Variants in FOXP4 observed in about 807,000 individuals in gnomAD.
The protein encoded by FOXP4 is forkhead box P4.
Under a neutral mutation model 82.6 loss-of-function variants are expected in FOXP4, and 25 were observed. The observed-to-expected ratio is 0.30, with a 90% confidence interval of 0.22 to 0.42. FOXP4 has a LOEUF of 0.42. Ranked by LOEUF, FOXP4 falls within the 10% of genes least tolerant of loss-of-function variation. FOXP4 has a pLI of 1.00. For synonymous variants in FOXP4, 415 were observed against 388.2 expected (o/e 1.07, Z -0.81); for missense variants, 785 against 900.9 (o/e 0.87, Z 1.65).
intron 3 of FOXP4, among the ~76,000 whole-genome samples, chr6:41,583,103 C>T (rs1215853686): frequency 6.6e-6 from 1 of 152,248 alleles, no homozygotes; most frequent in Non-Finnish European, 1.5e-5. Context: ...AGCCTTCATT[C>T]ACATGGTATG....
intron 9 of FOXP4, among the ~76,000 whole-genome samples, 183 bp from the exon 10 acceptor site, chr6:41,589,588 G>T (rs1355387223): frequency 1.3e-5 from 2 of 152,226 alleles, no homozygotes; most frequent in Admixed American, 6.5e-5. Flanking sequence ...CAGCCCTTGA[G>T]GGGTAGAGCA....
intron 1 of FOXP4, among the ~76,000 whole-genome samples, chr6:41,549,010 C>CTA (rs1763842257): frequency 6.6e-6 from 1 of 152,088 alleles, no homozygotes; most frequent in African/African-American, 2.4e-5. Context: ...CACTCACACT[C>CTA]TAGTCAGTGG....
At chr6:41,586,915 GCC>G in intron 5 of FOXP4, 92 bp from the exon 6 acceptor site, 1 of 1,458,780 alleles carries the variant, frequency 6.9e-7, no homozygotes. Context: ...GGGCTGACAG[GCC>G]CTGGGAGGGG....
At chr6:41,567,891 G>A (rs1764972532) in intron 2 of FOXP4, among the ~76,000 whole-genome samples, 1 of 152,230 alleles carries the variant, frequency 6.6e-6, no homozygotes, top group Admixed American at 6.5e-5. Flanking sequence ...GGGAGTTGGA[G>A]GCAGGCAGAG....
intron 2 of FOXP4, among the ~76,000 whole-genome samples, chr6:41,575,247 C>A (rs1765412013): frequency 6.6e-6 from 1 of 152,212 alleles, no homozygotes; most frequent in East Asian, 1.9e-4. Context: ...GGATTACAGG[C>A]ATGAGCCACT....
intron 8 of FOXP4, among the ~76,000 whole-genome samples, chr6:41,588,361 A>T (rs1479322108): frequency 6.6e-6 from 1 of 152,240 alleles, no homozygotes; most frequent in Non-Finnish European, 1.5e-5. Flanking sequence ...TTGCAGCATC[A>T]GGGTCAAACA....
chr6:41,589,133 A>G (rs1018187508), intron 9 of FOXP4, among the ~76,000 whole-genome samples: 1 of 152,234 alleles, frequency 6.6e-6, no homozygotes. Context: ...AGGCACACAG[A>G]GCTAAAGTAA....
intron 2 of FOXP4, among the ~76,000 whole-genome samples, chr6:41,567,484 G>T (rs1170029023): frequency 3.3e-5 from 5 of 152,144 alleles, no homozygotes; most frequent in African/African-American, 4.8e-5. Flanking sequence ...AGGTTAAAGG[G>T]CAATATCCTA....
In FOXP4 at chr6:41,591,728, G is replaced by A. The variant is rs540056923; in HGVS notation, c.1536+406G>A. On this transcript the variant is annotated intron_variant, in intron 13 of 16. Coordinates refer to ENST00000307972, the MANE Select transcript of FOXP4 (RefSeq NM_001012426.2). The surrounding 1 kb of genome is among the most constrained non-coding windows in gnomAD (Gnocchi z 4.2). ...TTAAGGTACATGTTCTGAAGCCTGA[G>A]GTGGGGCTAGGAAAGCGCAGGTATA... Among the ~76,000 whole-genome samples, 1 of 152,314 alleles carries A rather than the reference G, an allele frequency of 6.6e-6. No homozygotes were observed. The highest frequency in any genetic ancestry group is 2.1e-4 in the South Asian group (1 of 4,828).
chr6:41,598,912 G>C lies in FOXP4; in HGVS notation c.2019G>C (p.Glu673Asp). 6.2e-7 allele frequency: 1 copy of C among 1,608,184 alleles called. No individual in the cohort carries two copies. The highest frequency in any genetic ancestry group is 8.5e-7 in the Non-Finnish European group (1 of 1,178,302). Residue 673 changes from glutamate (E) to aspartate (D), a missense_variant, in exon 17 of 17, where the codon GAG becomes GAC. Glu to Asp is a conservative substitution (Grantham distance 45). Coordinates refer to ENST00000307972, the MANE Select transcript of FOXP4 (RefSeq NM_001012426.2). ...CGGAAGACAGGGACCTGGAGGAGGA[G>C]CTGCCGGGAGAAGAACTGTCCTAAG... Reference protein sequence around the residue: ...GPPEDRDLEEELPGEELS With the variant: ...GPPEDRDLEEDLPGEELS
In FOXP4 at chr6:41,587,066, C is replaced by G. The variant is rs1422592632; in HGVS notation, c.568C>G (p.Gln190Glu). The change falls in exon 6 of 17, where the codon CAG becomes GAG. Residue 190 changes from glutamine to glutamate, a missense_variant. Gln to Glu is a conservative substitution (Grantham distance 29, BLOSUM62 2). Around this residue, in one of 3 missense-constraint regions of FOXP4, gnomAD observed 570 missense variants for 634.0 expected, o/e 0.90. Coordinates refer to ENST00000307972, the MANE Select transcript of FOXP4 (RefSeq NM_001012426.2). ...GCAGCTCCTGCAAATGCAACAGTTG[C>G]AGCAGCAGCACCTGCTCAACCTGCA... ...QQQLLQMQQL[Q>E]QQHLLNLQRQ... The G allele has an allele frequency of 5.6e-6, 9 of 1,607,656 alleles. No homozygotes were observed. The highest frequency in any genetic ancestry group is 4.5e-5 in the East Asian group (2 of 44,626).
At chr6:41,590,558 G>A (rs560108696) in intron 12 of FOXP4, among the ~76,000 whole-genome samples, 2 of 152,272 alleles carry the variant, frequency 1.3e-5, no homozygotes, top group East Asian at 1.9e-4. Flanking sequence ...GTCTCTGGGG[G>A]TGCACACACT....
rs1766668089 is a variant in FOXP4 at position 41,593,947 on chromosome 6, G to A, written c.1537-923G>A. On this transcript the variant is annotated intron_variant, in intron 13 of 16. Coordinates refer to ENST00000307972, the MANE Select transcript of FOXP4 (RefSeq NM_001012426.2). This position sits in a 1 kb window ranked among gnomAD's most constrained non-coding sequence, Gnocchi z 4.1. Reference sequence around the variant, plus strand: ...AGGCTAAGGGAGGACAGGTAACAGGGTCCAGGGATGCAGGCAGGGATGGTG... The same window carrying A: ...AGGCTAAGGGAGGACAGGTAACAGGATCCAGGGATGCAGGCAGGGATGGTG... 6.6e-6 allele frequency among the ~76,000 whole-genome samples: 1 copy of A among 152,146 alleles called. No homozygotes were observed. The highest frequency in any genetic ancestry group is 6.5e-5 in the Admixed American group (1 of 15,268).
intron 1 of FOXP4, among the ~76,000 whole-genome samples, chr6:41,549,413 C>T (rs994818194): frequency 1.3e-5 from 2 of 152,024 alleles, no homozygotes; most frequent in African/African-American, 2.4e-5. Flanking sequence ...CACACCTAGA[C>T]GCCCCCAGCC....
At chr6:41,595,027 C>T (rs1332043833) in intron 14 of FOXP4, 36 bp downstream of exon 14, 2 of 1,612,628 alleles carry the variant, frequency 1.2e-6, no homozygotes, top group African/African-American at 2.7e-5. Flanking sequence ...CTGTACCTGC[C>T]CAGGGGGCAG....
chr6:41,582,902 G>A lies in FOXP4; in HGVS notation c.301-1867G>A, dbSNP rs143170866. 4.3e-3 allele frequency among the ~76,000 whole-genome samples: 656 copies of A among 152,270 alleles called. 3 individuals carry two copies. Among genetic ancestry groups the A allele is most frequent in the African/African-American group, 0.015 (615 of 41,538 alleles). ...GACCTGCCCTGCGGTGGGGCAGGCA[G>A]CATAGGATGTGAAAACCCTGGGAGC... On this transcript the variant is annotated intron_variant, in intron 3 of 16. Coordinates refer to ENST00000307972, the MANE Select transcript of FOXP4 (RefSeq NM_001012426.2).
Position 41,589,889 on chromosome 6 carries a change from C to T in FOXP4, c.1149+35C>T, listed in dbSNP as rs746653831. ...GCTCCCCTCCCCGCCCCTCCCAGAG[C>T]CTTCCACAGACCCTGGAGCCTCGGG... On this transcript the variant is annotated intron_variant, in intron 10 of 16. Coordinates refer to ENST00000307972, the MANE Select transcript of FOXP4 (RefSeq NM_001012426.2). 6 of 1,610,508 alleles carry T rather than the reference C, an allele frequency of 3.7e-6. No individual in the cohort carries two copies. The South Asian group carries it at 6.6e-5, about 18-fold the overall frequency.
At position 41,570,251 on chromosome 6, in the gene FOXP4, G is replaced by A. The variant is rs72858976; in HGVS notation, c.204+4287G>A. On this transcript the variant is annotated intron_variant, in intron 2 of 16. Coordinates refer to ENST00000307972, the MANE Select transcript of FOXP4 (RefSeq NM_001012426.2). The stretch of plus-strand genomic sequence containing the variant: ...CATTCTCCTTTTTCTTCTGGAGAAT[G>A]AGCCCCTCCCGTGGAGGAGCCATGG... 3,906 of 463,874 alleles carry A rather than the reference G, an allele frequency of 8.4e-3. 24 individuals are homozygous for A. Among genetic ancestry groups the A allele is most frequent in the Non-Finnish European group, 0.012 (2,720 of 222,312 alleles). The allele number at this position is 463,874 out of a possible 1,614,324, so 28.7% of individuals were successfully genotyped here.
rs556351061 is a variant in FOXP4 at position 41,599,053 on chromosome 6, G to T, written c.*117G>T. 2 of 1,359,714 alleles carry T rather than the reference G, an allele frequency of 1.5e-6. No homozygotes were observed. Among genetic ancestry groups the T allele is most frequent in the South Asian group, 1.6e-5 (1 of 64,282 alleles). 84.2% of individuals were successfully genotyped at this position (1,359,714 alleles called of 1,614,324 possible). On this transcript the variant is annotated 3_prime_UTR_variant, in exon 17 of 17. Transcript: ENST00000307972. The stretch of plus-strand genomic sequence containing the variant: ...TCAAGGCAAGTCCAGGACTCAGACC[G>T]GGGAGGCCCGGGCCAGCAGCTCCCA...
Sources: allele counts gnomAD v4.1 joint callset (sites outside exome capture counted in the v4.1 genomes callset), GRCh38; gene constraint gnomAD v4.1.1; regional missense constraint gnomAD v4.1.1; non-coding constraint Gnocchi (gnomAD v3.1); transcripts MANE v1.5; gene names NCBI Gene and HGNC (gene_info 2026-07-23, HGNC 2026-07-21).